SCCPDH: variants seen among roughly 807,000 people sequenced by gnomAD.
SCCPDH encodes saccharopine dehydrogenase-like oxidoreductase.
A neutral mutation model predicts 51.5 loss-of-function variants in SCCPDH; 34 were observed. The observed-to-expected ratio is 0.66, with a 90% CI of 0.50 to 0.88. SCCPDH has a LOEUF of 0.88. SCCPDH is among the 40% of genes least tolerant of loss of function. The pLI is 0.00. For synonymous variants in SCCPDH, 187 were observed against 191.3 expected, an observed-to-expected ratio of 0.98 and a Z score of 0.19; for missense variants, 464 against 527.1, an observed-to-expected ratio of 0.88 and a Z score of 1.17.
intron 4 of SCCPDH, among the ~76,000 whole-genome samples, chr1:246,742,379 A>AT (rs1233287783): frequency 2.6e-5 from 4 of 151,956 alleles, no homozygotes; most frequent in African/African-American, 7.3e-5. Flanking sequence ...TTTGTTTAAA[A>AT]TTTTTTTCAG....
chr1:246,743,487 G>A (rs918273964), intron 4 of SCCPDH, among the ~76,000 whole-genome samples: 2 of 151,828 alleles, frequency 1.3e-5, no homozygotes, highest in Non-Finnish European at 2.9e-5. Context: ...GGAGGCTGAG[G>A]CATGAGAATC....
intron 2 of SCCPDH, among the ~76,000 whole-genome samples, chr1:246,734,551 G>T (rs1240340042): frequency 6.6e-6 from 1 of 152,158 alleles, no homozygotes; most frequent in Non-Finnish European, 1.5e-5. Flanking sequence ...GTAGGAACTC[G>T]AATTTCACAC....
intron 1 of SCCPDH, among the ~76,000 whole-genome samples, chr1:246,726,302 A>G (rs553230448): frequency 8.8e-4 from 132 of 150,112 alleles, no homozygotes; most frequent in Non-Finnish European, 1.3e-3. Flanking sequence ...CAGTGGCGTG[A>G]TCACAGCTCA....
chr1:246,754,625 C>T lies in SCCPDH; in HGVS notation c.565-3601C>T, dbSNP rs1668903331. ...GTCGAGCTCCGCGAGTGAGCAATTC[C>T]TGTCCCTTTTAAGGGCTTACAACTC... On this transcript the variant is annotated intron_variant, in intron 5 of 11. Coordinates refer to ENST00000366510, the MANE Select transcript of SCCPDH (RefSeq NM_016002.3). Among the ~76,000 whole-genome samples the T allele has an allele frequency of 3.3e-5, 5 of 152,250 alleles. No homozygotes were observed. The South Asian group carries it at 1.0e-3, about 31-fold the overall frequency.
chr1:246,743,593 A>AG (rs1262514735), intron 4 of SCCPDH, among the ~76,000 whole-genome samples: 1 of 151,620 alleles, frequency 6.6e-6, no homozygotes, highest in East Asian at 1.9e-4. Flanking sequence ...AAAAAAAAAA[A>AG]GAAAGTGACC....
chr1:246,766,168 A>T, intron 11 of SCCPDH, 29 bp downstream of exon 11: 1 of 1,422,382 alleles, frequency 7.0e-7, no homozygotes, highest in Non-Finnish European at 9.8e-7. Context: ...CAATTAGAAG[A>T]TCTTTTTTAT....
At chr1:246,730,513 G>GC (rs748200320) in intron 2 of SCCPDH, among the ~76,000 whole-genome samples, 37 of 152,166 alleles carry the variant, frequency 2.4e-4, no homozygotes, top group Admixed American at 5.2e-4. Context: ...TGGTGCTGAG[G>GC]CCCTCTCTGT....
intron 5 of SCCPDH, among the ~76,000 whole-genome samples, chr1:246,756,588 G>C (rs931880573): frequency 4.6e-5 from 7 of 152,080 alleles, no homozygotes; most frequent in African/African-American, 1.4e-4. Context: ...GTTTTCTCCT[G>C]GTGTTTGGAA....
At chr1:246,733,238 T>A (rs1423303872) in intron 2 of SCCPDH, among the ~76,000 whole-genome samples, 1 of 151,856 alleles carries the variant, frequency 6.6e-6, no homozygotes, top group African/African-American at 2.4e-5. Context: ...AGACTGGTGC[T>A]ATCACATCTG....
intron 4 of SCCPDH, among the ~76,000 whole-genome samples, chr1:246,741,938 G>A (rs1334554785): frequency 1.3e-5 from 2 of 152,132 alleles, no homozygotes; most frequent in African/African-American, 4.8e-5. Flanking sequence ...TCGTGGTGAT[G>A]TGCAACTGTA....
rs748666462 is a variant in SCCPDH, at chr1:246,758,270, T to C, written c.609T>C (p.Gly203=). Residue 203 remains glycine, a synonymous_variant, in exon 6 of 12, where the codon GGT becomes GGC. Transcript: ENST00000366510. ...HDGTWKSAIY[G]FGDQSNLRKL... ...GTACCTGGAAGTCAGCAATTTATGG[T>C]TTTGGAGATCAGAGTAATTTGAGAA... is the stretch of plus-strand genomic sequence containing the variant. 7.5e-6 allele frequency: 12 copies of C among 1,610,030 alleles called. No homozygotes were observed. The highest frequency in any genetic ancestry group is 1.7e-4 in the Middle Eastern group (1 of 6,050).
At chr1:246,750,856 C>T (rs1668841640) in intron 5 of SCCPDH, among the ~76,000 whole-genome samples, 1 of 152,198 alleles carries the variant, frequency 6.6e-6, no homozygotes, top group South Asian at 2.1e-4. Flanking sequence ...GACTCCTTCC[C>T]CCAAGGGGTA....
rs1035113407 is a variant in SCCPDH at position 246,734,767 on chromosome 1, A to G, written c.304-1208A>G. Among the ~76,000 whole-genome samples the G allele has an allele frequency of 1.6e-4, 25 of 152,228 alleles. 1 individual carries two copies. Among genetic ancestry groups the G allele is most frequent in the African/African-American group, 5.5e-4 (23 of 41,462 alleles). ...CTGCCAGGAATGAATAAAGCAGAGG[A>G]GTTTGTGCTTCTAATCTACTTCTTC... On this transcript the variant is annotated intron_variant, in intron 2 of 11. Coordinates refer to ENST00000366510, the MANE Select transcript of SCCPDH (RefSeq NM_016002.3).
At chr1:246,746,265 T>C (rs61852484) in intron 5 of SCCPDH, among the ~76,000 whole-genome samples, 35,565 of 151,864 alleles carry the variant, frequency 0.23, 4,542 homozygotes, top group East Asian at 0.31. Context: ...GGATCGTGAT[T>C]GATTGAGCAA....
At chr1:246,735,022 T>C (rs944514988) in intron 2 of SCCPDH, among the ~76,000 whole-genome samples, 5 of 152,234 alleles carry the variant, frequency 3.3e-5, no homozygotes, top group Non-Finnish European at 5.9e-5. Flanking sequence ...ATAATACCAC[T>C]GGTTCTTGGC....
chr1:246,766,375 C>T (rs1158568206), intron 11 of SCCPDH, among the ~76,000 whole-genome samples: 1 of 152,146 alleles, frequency 6.6e-6, no homozygotes, highest in East Asian at 1.9e-4. Context: ...GTTGGAGAGC[C>T]ATGAGTTAAC....
At chr1:246,733,300 T>C (rs1668518993) in intron 2 of SCCPDH, among the ~76,000 whole-genome samples, 1 of 152,078 alleles carries the variant, frequency 6.6e-6, no homozygotes, top group African/African-American at 2.4e-5. Flanking sequence ...TTGCCCAGGC[T>C]GGTCTCTAGC....
intron 10 of SCCPDH, among the ~76,000 whole-genome samples, chr1:246,765,763 T>C (rs1453150057): frequency 6.6e-6 from 1 of 152,208 alleles, no homozygotes; most frequent in Non-Finnish European, 1.5e-5. Context: ...GCTCAGTCAC[T>C]ACCTGTTAGT....
chr1:246,730,614 G>A (rs532416164), intron 2 of SCCPDH, among the ~76,000 whole-genome samples: 8 of 152,168 alleles, frequency 5.3e-5, no homozygotes, highest in Non-Finnish European at 8.8e-5. Flanking sequence ...GGAATGTCTC[G>A]TAGTCAGTCC....
Sources: allele counts gnomAD v4.1 joint callset (sites outside exome capture counted in the v4.1 genomes callset), GRCh38; gene constraint gnomAD v4.1.1; transcripts MANE v1.5; gene names NCBI Gene and HGNC (gene_info 2026-07-23, HGNC 2026-07-21).